The following ANKS1B variants were observed in gnomAD, a reference collection of about 807,000 sequenced individuals.
The protein encoded by ANKS1B is ankyrin repeat and sterile alpha motif domain-containing protein 1B.
In ANKS1B, 36 loss-of-function variants were observed where a neutral mutation model predicts 148.3. The observed-to-expected ratio is 0.24, with a 90% CI of 0.19 to 0.32. The LOEUF is 0.32. ANKS1B is among the 10% of genes least tolerant of loss of function. The pLI, the probability that ANKS1B is intolerant of heterozygous loss-of-function variation, is 1.00. For missense variants in ANKS1B, 1,157 were observed against 1,542.6 expected (o/e 0.75, Z 4.19); for synonymous variants, 542 against 560.8 (o/e 0.97, Z 0.47).
chr12:98,789,973 C>T (rs2098833134), intron 22 of ANKS1B, among the ~76,000 whole-genome samples: 1 of 152,058 alleles, frequency 6.6e-6, no homozygotes, highest in Admixed American at 6.5e-5. Context: ...AAGATGTTAA[C>T]AGGGAGGAAT....
chr12:98,957,311 A>ATATTTATTTATTTATT (rs71782750), intron 17 of ANKS1B, among the ~76,000 whole-genome samples: 2 of 143,874 alleles, frequency 1.4e-5, no homozygotes, highest in African/African-American at 2.5e-5. Context: ...TTTTTTTTAA[A>ATATTTATTTATTTATT]TATTTATTTA....
intron 21 of ANKS1B, among the ~76,000 whole-genome samples, chr12:98,800,368 G>C (rs2098991747): frequency 6.6e-6 from 1 of 151,934 alleles, no homozygotes; most frequent in Non-Finnish European, 1.5e-5. Context: ...CTTTTTAAGA[G>C]AGGCAGTTTC....
intron 8 of ANKS1B, among the ~76,000 whole-genome samples, chr12:99,769,647 T>C (rs993224132): frequency 6.6e-6 from 1 of 152,216 alleles, no homozygotes; most frequent in Admixed American, 6.5e-5. Flanking sequence ...TTCTTGGCTC[T>C]GTAATTACCG....
intron 19 of ANKS1B, among the ~76,000 whole-genome samples, chr12:98,820,911 G>A (rs1038585097): frequency 9.6e-4 from 146 of 152,318 alleles, no homozygotes; most frequent in African/African-American, 3.3e-3. Flanking sequence ...ACTTTAAAAT[G>A]CATTTACTCC....
chr12:99,282,380 C>T (rs1175627568), intron 12 of ANKS1B, among the ~76,000 whole-genome samples: 1 of 152,120 alleles, frequency 6.6e-6, no homozygotes, highest in Non-Finnish European at 1.5e-5. Flanking sequence ...CTCATGTAAA[C>T]CTTGCCTTAC....
In ANKS1B at chr12:99,719,521, G is replaced by T. The variant is rs372862687; in HGVS notation, c.1128+53401C>A. ...GCCTAATCGCCACTCACCAGCAAAG[G>T]CAGGCTATGCTATAGTATCTTCCAC... On this transcript the variant is annotated intron_variant, in intron 8 of 26. Transcript: ENST00000683438. 2.7e-3 allele frequency among the ~76,000 whole-genome samples: 408 copies of T among 152,178 alleles called. 6 individuals are homozygous for T. The highest frequency in any genetic ancestry group is 9.5e-3 in the African/African-American group (394 of 41,518).
At chr12:99,003,029 T>C (rs1247562309) in intron 17 of ANKS1B, among the ~76,000 whole-genome samples, 3 of 152,216 alleles carry the variant, frequency 2.0e-5, no homozygotes, top group Non-Finnish European at 4.4e-5. Flanking sequence ...AAGATATGGA[T>C]CCAAATTCAT....
At chr12:98,951,381 A>G (rs1010829341) in intron 17 of ANKS1B, among the ~76,000 whole-genome samples, 8 of 152,178 alleles carry the variant, frequency 5.3e-5, no homozygotes, top group African/African-American at 1.9e-4. Context: ...TCCCCATTTT[A>G]ATGAGAAACA....
intron 1 of ANKS1B, among the ~76,000 whole-genome samples, chr12:99,874,593 G>T (rs1037472906): frequency 1.3e-5 from 2 of 152,270 alleles, no homozygotes; most frequent in African/African-American, 4.8e-5. Flanking sequence ...AAGATCAAGA[G>T]AAGTCTCTGA....
intron 8 of ANKS1B, among the ~76,000 whole-genome samples, chr12:99,721,560 A>G (rs2058084804): frequency 6.6e-6 from 1 of 152,156 alleles, no homozygotes. Flanking sequence ...CCTGCCAGAG[A>G]ACAACCCCCC....
chr12:99,873,737 G>A (rs2091788363), intron 1 of ANKS1B, among the ~76,000 whole-genome samples: 1 of 152,066 alleles, frequency 6.6e-6, no homozygotes, highest in Non-Finnish European at 1.5e-5. Flanking sequence ...ATTCCATGAT[G>A]GCAATTTTTA....
intron 17 of ANKS1B, among the ~76,000 whole-genome samples, chr12:99,045,897 C>T (rs1324522445): frequency 1.3e-5 from 2 of 152,090 alleles, no homozygotes; most frequent in Non-Finnish European, 2.9e-5. Flanking sequence ...GCAGAGAATC[C>T]AGGTAGACTA....
chr12:99,790,940 A>C (rs1441236966), intron 4 of ANKS1B, among the ~76,000 whole-genome samples: 1 of 152,032 alleles, frequency 6.6e-6, no homozygotes, highest in Non-Finnish European at 1.5e-5. Context: ...CAATAACATT[A>C]AATGTATATG....
intron 25 of ANKS1B, among the ~76,000 whole-genome samples, chr12:98,756,603 G>A (rs2153421141): frequency 6.6e-6 from 1 of 150,872 alleles, no homozygotes; most frequent in African/African-American, 2.4e-5. Flanking sequence ...GCAGGCACCT[G>A]TAATCCCAGC....
intron 12 of ANKS1B, among the ~76,000 whole-genome samples, chr12:99,322,323 G>C (rs537118801): frequency 7.2e-5 from 11 of 151,938 alleles, no homozygotes; most frequent in South Asian, 6.2e-4. Flanking sequence ...ATGGACACAG[G>C]GGGGTGAACA....
intron 9 of ANKS1B, among the ~76,000 whole-genome samples, chr12:99,650,924 C>T (rs1363636940): frequency 1.3e-5 from 2 of 152,100 alleles, no homozygotes; most frequent in South Asian, 2.1e-4. Context: ...GTATAGGTAA[C>T]CTGGCCCCCA....
chr12:99,298,425 G>A (rs1335537160), intron 12 of ANKS1B, among the ~76,000 whole-genome samples: 1 of 152,170 alleles, frequency 6.6e-6, no homozygotes, highest in African/African-American at 2.4e-5. Flanking sequence ...CTGCCACCAT[G>A]TAAGATGTAT....
intron 9 of ANKS1B, among the ~76,000 whole-genome samples, chr12:99,532,994 C>T (rs528896111): frequency 2.0e-5 from 3 of 152,200 alleles, no homozygotes; most frequent in South Asian, 4.1e-4. Flanking sequence ...CTTAGGACTG[C>T]TTTTGCTAGT....
At chr12:99,919,792 A>AAAAAAAC (rs1032928497) in intron 1 of ANKS1B, among the ~76,000 whole-genome samples, 1 of 149,886 alleles carries the variant, frequency 6.7e-6, no homozygotes, top group African/African-American at 2.4e-5. Flanking sequence ...AAAAAAAAAA[A>AAAAAAAC]AACCTGGATT....
Sources: gnomAD v4.1 joint callset for allele counts (sites outside exome capture counted in the v4.1 genomes callset) on GRCh38, gnomAD v4.1.1 for gene constraint, MANE v1.5 for transcripts, NCBI Gene and HGNC (gene_info 2026-07-23, HGNC 2026-07-21) for gene names.